Variants in PHACTR3 observed in about 807,000 individuals in gnomAD.
PHACTR3 encodes the protein phosphatase and actin regulator 3.
A neutral mutation model predicts 66.8 loss-of-function variants in PHACTR3; 16 were observed. That is an observed-to-expected ratio of 0.24 (90% CI 0.16 to 0.36). The LOEUF is 0.36. Among genes scored for constraint, PHACTR3 ranks in the 10% least tolerant of loss-of-function variants. The pLI, the probability that PHACTR3 is intolerant of heterozygous loss-of-function variation, is 1.00. For missense variants in PHACTR3, 647 were observed against 719.9 expected, an observed-to-expected ratio of 0.90 and a Z score of 1.16; for synonymous variants, 323 against 292.1, an observed-to-expected ratio of 1.11 and a Z score of -1.08.
At position 59,820,207 on chromosome 20, in the gene PHACTR3, A is replaced by G. The variant is rs1250666558; in HGVS notation, c.1328+14013A>G. 6.6e-6 allele frequency among the ~76,000 whole-genome samples: 1 copy of G among 152,214 alleles called. No homozygotes were observed. Among genetic ancestry groups the G allele is most frequent in the Non-Finnish European group, 1.5e-5 (1 of 68,046 alleles). On this transcript the variant is annotated intron_variant, in intron 8 of 12. Transcript: ENST00000371015. The surrounding 1 kb of genome is among the most constrained non-coding windows in gnomAD (Gnocchi z 4.6). ...CAGAGCCTCCAAGGTCAAGAAGACC[A>G]CCAAGATTTATGAGGGCACTTTCAA...
intron 1 of PHACTR3, among the ~76,000 whole-genome samples, chr20:59,665,244 T>G (rs573565108): frequency 1.6e-4 from 24 of 152,330 alleles, no homozygotes; most frequent in African/African-American, 5.1e-4. Context: ...GCTCTCTCTC[T>G]ACCTAGGATT....
chr20:59,706,858 G>A (rs909250931), intron 1 of PHACTR3, among the ~76,000 whole-genome samples: 1 of 152,132 alleles, frequency 6.6e-6, no homozygotes, highest in Non-Finnish European at 1.5e-5. Flanking sequence ...CTTTGCGATT[G>A]AGGAGGAGGC....
intron 1 of PHACTR3, among the ~76,000 whole-genome samples, chr20:59,622,999 A>AAAAAAAAAAAAAAAAAAAAAAAAAAAC (rs1363121702): frequency 6.7e-6 from 1 of 148,556 alleles, no homozygotes; most frequent in Non-Finnish European, 1.5e-5. Context: ...AAAAAAAAAA[A>AAAAAAAAAAAAAAAAAAAAAAAAAAAC]AACCCAAATC....
chr20:59,643,817 G>C (rs75979529), intron 1 of PHACTR3, among the ~76,000 whole-genome samples: 3,779 of 152,252 alleles, frequency 0.025, 64 homozygotes, highest in Middle Eastern at 0.058. Context: ...AAGTGAAAAG[G>C]GGGGTGGGGA....
At chr20:59,639,695 G>T (rs1461494329) in intron 1 of PHACTR3, among the ~76,000 whole-genome samples, 3 of 152,006 alleles carry the variant, frequency 2.0e-5, no homozygotes, top group African/African-American at 7.3e-5. Flanking sequence ...CCATCCTGAT[G>T]CCAACCTTGG....
At chr20:59,776,701 G>A (rs1478434011) in intron 7 of PHACTR3, among the ~76,000 whole-genome samples, 16 of 151,792 alleles carry the variant, frequency 1.1e-4, no homozygotes, top group Non-Finnish European at 2.2e-4. Flanking sequence ...TTCACCTCTC[G>A]GGAGCCTCAG....
At chr20:59,704,808 GA>G (rs2037639810) in intron 1 of PHACTR3, among the ~76,000 whole-genome samples, 1 of 151,516 alleles carries the variant, frequency 6.6e-6, no homozygotes, top group Non-Finnish European at 1.5e-5. Flanking sequence ...GCTACAAGAA[GA>G]ATATTATGAG....
intron 8 of PHACTR3, among the ~76,000 whole-genome samples, chr20:59,806,748 G>A (rs2041583551): frequency 6.6e-6 from 1 of 152,216 alleles, no homozygotes; most frequent in Admixed American, 6.5e-5. Flanking sequence ...TTTTGTTGTT[G>A]TGGGAACATC....
chr20:59,790,332 A>G (rs375244956), intron 7 of PHACTR3, among the ~76,000 whole-genome samples: 33 of 152,314 alleles, frequency 2.2e-4, no homozygotes, highest in African/African-American at 6.7e-4. Flanking sequence ...TTCTAAAAGC[A>G]GTAGCCAGCC....
At chr20:59,667,219 G>T (rs148554192) in intron 1 of PHACTR3, among the ~76,000 whole-genome samples, 7 of 152,222 alleles carry the variant, frequency 4.6e-5, no homozygotes, top group African/African-American at 1.7e-4. Flanking sequence ...TGAGGCAGGG[G>T]AGGTTGAGGT....
At position 59,577,674 on chromosome 20, in the gene PHACTR3, G is replaced by A. The variant is rs889816401; in HGVS notation, c.109+57G>A. On this transcript the variant is annotated intron_variant, in intron 1 of 12. Coordinates refer to the PHACTR3 transcript ENST00000359926. ...ACGTGGGGCCCGGGGTGCCCGCCGG[G>A]CACGAGGCGCTGGGGGACGACTCCT... is the stretch of plus-strand genomic sequence containing the variant. 6 of 1,123,804 alleles carry A rather than the reference G, an allele frequency of 5.3e-6. No individual in the cohort carries two copies. The African/African-American group carries it at 6.5e-5, about 12-fold the overall frequency. The allele number at this position is 1,123,804 out of a possible 1,614,324, so 69.6% of individuals were successfully genotyped here.
At chr20:59,759,880 G>A (rs2039936477) in intron 4 of PHACTR3, among the ~76,000 whole-genome samples, 1 of 152,172 alleles carries the variant, frequency 6.6e-6, no homozygotes, top group Non-Finnish European at 1.5e-5. Context: ...TGGAACCTGG[G>A]ACCTGCTTCT....
chr20:59,753,129 A>G (rs1219379564), intron 3 of PHACTR3, among the ~76,000 whole-genome samples: 1 of 151,850 alleles, frequency 6.6e-6, no homozygotes, highest in Non-Finnish European at 1.5e-5. Context: ...TGCTTTTTAA[A>G]TAGAAAAGAC....
At chr20:59,843,508 AT>A (rs2145527138) in intron 11 of PHACTR3, 1 of 152,272 alleles carries the variant, frequency 6.6e-6, no homozygotes, top group African/African-American at 2.4e-5. Flanking sequence ...ATGGAAAAGA[AT>A]AGAAAACCCA....
chr20:59,764,269 C>T, intron 4 of PHACTR3, among the ~76,000 whole-genome samples: 1 of 151,252 alleles, frequency 6.6e-6, no homozygotes, highest in East Asian at 1.9e-4. Context: ...AGGACACTGA[C>T]CCCAGGCTGC....
chr20:59,723,696 T>C (rs910480536), intron 1 of PHACTR3, among the ~76,000 whole-genome samples: 4 of 151,916 alleles, frequency 2.6e-5, no homozygotes, highest in Non-Finnish European at 5.9e-5. Context: ...GACTCGGTCA[T>C]TGGGGTCTAC....
chr20:59,815,666 G>A (rs112734472), intron 8 of PHACTR3, among the ~76,000 whole-genome samples: 5 of 152,056 alleles, frequency 3.3e-5, no homozygotes, highest in African/African-American at 7.2e-5. Flanking sequence ...CTCATGATCC[G>A]CCTGCCTTGG....
chr20:59,764,607 G>A (rs1397554605), intron 4 of PHACTR3, among the ~76,000 whole-genome samples: 5 of 152,156 alleles, frequency 3.3e-5, no homozygotes, highest in Admixed American at 1.3e-4. Flanking sequence ...GGAAGGGGGC[G>A]GATGCTGGAT....
intron 1 of PHACTR3, among the ~76,000 whole-genome samples, chr20:59,615,564 G>T (rs547805480): frequency 6.6e-6 from 1 of 152,296 alleles, no homozygotes; most frequent in African/African-American, 2.4e-5. Flanking sequence ...ACAGGCTTCT[G>T]CAAAAGCATT....
Sources: gnomAD v4.1 joint callset for allele counts (sites outside exome capture counted in the v4.1 genomes callset) on GRCh38, gnomAD v4.1.1 for gene constraint, Gnocchi (gnomAD v3.1) non-coding constraint, MANE v1.5 for transcripts, NCBI Gene and HGNC (gene_info 2026-07-23, HGNC 2026-07-21) for gene names.